The following PCDH15 variants were observed in gnomAD, a reference collection of about 807,000 sequenced individuals.
PCDH15 encodes the protein protocadherin related 15.
PCDH15 carries 129 observed loss-of-function variants against 178.5 expected under a neutral mutation model. The observed-to-expected ratio is 0.72, with a 90% CI of 0.63 to 0.84. The LOEUF (loss-of-function observed/expected upper bound fraction) is 0.84. PCDH15 is among the 40% of genes least tolerant of loss of function. The pLI is 0.00. For synonymous variants in PCDH15, 800 were observed against 732.0 expected, an observed-to-expected ratio of 1.09 and a Z score of -1.50; for missense variants, 2,230 against 2,099.9, an observed-to-expected ratio of 1.06 and a Z score of -1.21.
At chr10:54,985,358 A>G (rs1157300462) in intron 2 of PCDH15, among the ~76,000 whole-genome samples, 1 of 152,202 alleles carries the variant, frequency 6.6e-6, no homozygotes, top group Non-Finnish European at 1.5e-5. Context: ...ATGTATGCAT[A>G]TATACATATG....
chr10:54,985,688 G>A (rs1488815978), intron 2 of PCDH15, among the ~76,000 whole-genome samples: 1 of 152,128 alleles, frequency 6.6e-6, no homozygotes, highest in African/African-American at 2.4e-5. Flanking sequence ...CATATTGCTA[G>A]CCTGGGAATA....
At chr10:54,554,268 C>A (rs1200776151) in intron 2 of PCDH15, among the ~76,000 whole-genome samples, 1 of 152,076 alleles carries the variant, frequency 6.6e-6, no homozygotes, top group Non-Finnish European at 1.5e-5. Context: ...AAAGTTAAGT[C>A]CTCTTTAGAC....
chr10:55,152,972 G>T (rs1160189366), intron 2 of PCDH15, among the ~76,000 whole-genome samples: 1 of 151,320 alleles, frequency 6.6e-6, no homozygotes, highest in African/African-American at 2.4e-5. Context: ...TTTAATGTAG[G>T]TATAGGTAAC....
intron 2 of PCDH15, among the ~76,000 whole-genome samples, chr10:55,478,938 A>C (rs893007457): frequency 5.2e-5 from 1 of 19,054 alleles, no homozygotes. Context: ...TCACAAAGAT[A>C]AAAAAAAAAA....
intron 28 of PCDH15, among the ~76,000 whole-genome samples, chr10:53,855,104 A>T (rs1250201302): frequency 6.6e-6 from 1 of 152,058 alleles, no homozygotes; most frequent in East Asian, 1.9e-4. Flanking sequence ...CCTTTCAATA[A>T]AATGTATCAA....
intron 3 of PCDH15, among the ~76,000 whole-genome samples, chr10:54,462,250 A>T (rs1191199277): frequency 6.6e-6 from 1 of 151,794 alleles, no homozygotes; most frequent in Non-Finnish European, 1.5e-5. Context: ...GAGTTGAACT[A>T]TTGTCTTTAG....
intron 15 of PCDH15, among the ~76,000 whole-genome samples, chr10:54,094,090 C>T (rs61858412): frequency 0.017 from 2,554 of 152,234 alleles, 21 homozygotes; most frequent in Non-Finnish European, 0.026. Context: ...CTCAGCTATA[C>T]TATCTCTTCT....
chr10:54,193,861 C>T (rs2049288769), intron 11 of PCDH15, among the ~76,000 whole-genome samples: 1 of 152,000 alleles, frequency 6.6e-6, no homozygotes, highest in Admixed American at 6.6e-5. Context: ...ACACTGTGAT[C>T]ATGGTAAGGC....
intron 2 of PCDH15, among the ~76,000 whole-genome samples, chr10:55,626,547 CTCTT>C (rs1837533939): frequency 6.6e-6 from 1 of 152,176 alleles, no homozygotes; most frequent in South Asian, 2.1e-4. Flanking sequence ...TTAAACCACT[CTCTT>C]AAGGTTAACT....
intron 8 of PCDH15, among the ~76,000 whole-genome samples, chr10:54,239,357 A>T (rs1472546555): frequency 6.6e-6 from 1 of 151,744 alleles, no homozygotes; most frequent in Admixed American, 6.6e-5. Flanking sequence ...AAACAAAACC[A>T]AGAGGAAGGG....
intron 2 of PCDH15, among the ~76,000 whole-genome samples, chr10:55,326,358 T>TA (rs1844031073): frequency 6.6e-6 from 1 of 151,940 alleles, no homozygotes; most frequent in Non-Finnish European, 1.5e-5. Flanking sequence ...AGTAGACTAA[T>TA]AAAGAAAATG....
chr10:55,076,669 G>C (rs1841896536), intron 2 of PCDH15, among the ~76,000 whole-genome samples: 1 of 151,218 alleles, frequency 6.6e-6, no homozygotes, highest in Non-Finnish European at 1.5e-5. Context: ...ATGTTGCCTA[G>C]GCTAGTATCA....
chr10:55,580,246 CTA>C (rs1441125970), intron 2 of PCDH15, among the ~76,000 whole-genome samples: 1 of 152,166 alleles, frequency 6.6e-6, no homozygotes, highest in Admixed American at 6.5e-5. Flanking sequence ...TCACTACACA[CTA>C]TGTTTTAAGA....
rs767354331 is a variant in PCDH15, at chr10:53,827,527, C to T, written c.4233G>A (p.Lys1411=). ...GTAATGCGGCCTGAATTCGTGCAGT[C>T]TTTGTACACTCAGCTTGACGTCTTG... The part of the protein sequence containing the change: ...QFKVRQAECT[K]TARIQAALPA... The change falls in exon 32 of 38, where the codon AAG becomes AAA. Residue 1411 remains lysine, a synonymous_variant. Transcript: ENST00000644397. 1.2e-6 allele frequency: 2 copies of T among 1,614,126 alleles called. No homozygotes were observed. Among genetic ancestry groups the T allele is most frequent in the Non-Finnish European group, 8.5e-7 (1 of 1,179,968 alleles).
rs375280248 is a variant in PCDH15, at chr10:55,578,182, T to C, written c.-156+49443A>G. On this transcript the variant is annotated intron_variant, in intron 2 of 5. Transcript: ENST00000613346. ...AGTTCAAATTAACTGAAACACAGGA[T>C]TATTTTATATTTTATTTTATTTATC... Among the ~76,000 whole-genome samples, 7 of 152,036 alleles carry C rather than the reference T, an allele frequency of 4.6e-5. No homozygotes were observed. In the East Asian group the frequency reaches 5.8e-4, roughly 13 times the overall value.
At chr10:53,933,442 T>C (rs868749383) in intron 25 of PCDH15, among the ~76,000 whole-genome samples, 10 of 151,290 alleles carry the variant, frequency 6.6e-5, no homozygotes, top group Admixed American at 4.0e-4. Flanking sequence ...TTTGTCCTTG[T>C]GATAGTTTGC....
intron 9 of PCDH15, among the ~76,000 whole-genome samples, chr10:54,220,821 T>C (rs1304007210): frequency 2.2e-5 from 3 of 134,678 alleles, no homozygotes; most frequent in Non-Finnish European, 4.7e-5. Flanking sequence ...CGAGACTCCG[T>C]CTCAAAATAA....
At chr10:54,148,522 C>G (rs10437400) in intron 14 of PCDH15, among the ~76,000 whole-genome samples, 1 of 151,950 alleles carries the variant, frequency 6.6e-6, no homozygotes, top group Non-Finnish European at 1.5e-5. Context: ...ATGTAATGTT[C>G]TCCCCAAATA....
chr10:55,323,988 T>C (rs981393045), upstream of PCDH15, among the ~76,000 whole-genome samples: 1 of 152,108 alleles, frequency 6.6e-6, no homozygotes, highest in African/African-American at 2.4e-5. Flanking sequence ...GTTTCCCCCA[T>C]GCCATTTTCC....
Sources: allele counts gnomAD v4.1 joint callset (sites outside exome capture counted in the v4.1 genomes callset), GRCh38; gene constraint gnomAD v4.1.1; transcripts MANE v1.5; gene names NCBI Gene and HGNC (gene_info 2026-07-23, HGNC 2026-07-21).